The following GRIK2 variants were observed in gnomAD, a reference collection of about 807,000 sequenced individuals.
GRIK2 encodes glutamate ionotropic receptor kainate type subunit 2.
Under a neutral mutation model 100.3 loss-of-function variants are expected in GRIK2, and 32 were observed. The ratio of observed to expected loss-of-function variants is 0.32; its 90% CI spans 0.24 to 0.43. The LOEUF is 0.43. GRIK2 is among the 20% of genes least tolerant of loss of function. The probability of loss-of-function intolerance (pLI) is 1.00; values close to 1 mark genes in which losing one functional copy is unlikely to be tolerated. For missense variants in GRIK2, 843 were observed against 1,114.9 expected (o/e 0.76, Z 3.47); for synonymous variants, 417 against 389.4 (o/e 1.07, Z -0.83).
chr6:101,951,268 C>A (rs1460934783), intron 14 of GRIK2, among the ~76,000 whole-genome samples: 1 of 152,120 alleles, frequency 6.6e-6, no homozygotes, highest in Admixed American at 6.5e-5. Context: ...TTTCTATTTT[C>A]TTTAACATGA....
At chr6:101,608,434 A>C (rs1026930238) in intron 2 of GRIK2, among the ~76,000 whole-genome samples, 1 of 151,974 alleles carries the variant, frequency 6.6e-6, no homozygotes, top group African/African-American at 2.4e-5. Context: ...ATAATTGAAC[A>C]TGTGTTATTT....
intron 2 of GRIK2, among the ~76,000 whole-genome samples, chr6:101,472,322 A>G: frequency 6.6e-6 from 1 of 151,626 alleles, no homozygotes; most frequent in East Asian, 1.9e-4. Context: ...TTCCCTGTAG[A>G]GATATAATAC....
At chr6:101,607,196 G>A (rs1779474192) in intron 2 of GRIK2, among the ~76,000 whole-genome samples, 1 of 151,896 alleles carries the variant, frequency 6.6e-6, no homozygotes, top group Non-Finnish European at 1.5e-5. Flanking sequence ...TTTCAGTTGT[G>A]GCTTATGTAT....
chr6:101,467,442 C>G (rs1006322073), intron 2 of GRIK2, among the ~76,000 whole-genome samples: 3 of 152,106 alleles, frequency 2.0e-5, no homozygotes, highest in Admixed American at 6.5e-5. Flanking sequence ...AGATACAAAG[C>G]TTTCAAGGTT....
chr6:101,434,344 C>T (rs779697978), intron 2 of GRIK2, among the ~76,000 whole-genome samples: 11 of 152,270 alleles, frequency 7.2e-5, no homozygotes, highest in Middle Eastern at 3.4e-3. Context: ...TCTCTCTCTT[C>T]TCAGGCAAAC....
At chr6:101,860,966 T>A in intron 11 of GRIK2, 1 of 858,814 alleles carries the variant, frequency 1.2e-6, no homozygotes, top group Non-Finnish European at 1.4e-6. Flanking sequence ...GAAAACATCA[T>A]CCTCTCTTCT....
In GRIK2 at chr6:101,606,545, G is replaced by A. The variant is rs540679071; in HGVS notation, c.116-15404G>A. On this transcript the variant is annotated intron_variant, in intron 2 of 16. Coordinates refer to ENST00000369134, the MANE Select transcript of GRIK2 (RefSeq NM_021956.5). Reference sequence around the variant, plus strand: ...AGCTAGGTAAACTAAAGCCAAGAACGTTTAACTAACTTGCTTAAAGTTCAG... The same window carrying A: ...AGCTAGGTAAACTAAAGCCAAGAACATTTAACTAACTTGCTTAAAGTTCAG... 9.7e-4 allele frequency among the ~76,000 whole-genome samples: 148 copies of A among 152,034 alleles called. 1 individual carries two copies. The highest frequency in any genetic ancestry group is 1.5e-3 in the Non-Finnish European group (103 of 67,950).
chr6:101,788,056 C>T (rs1408781302), intron 7 of GRIK2, among the ~76,000 whole-genome samples: 1 of 151,574 alleles, frequency 6.6e-6, no homozygotes, highest in Non-Finnish European at 1.5e-5. Flanking sequence ...CCTGGTTTGT[C>T]TCTTTGTACT....
intron 2 of GRIK2, among the ~76,000 whole-genome samples, chr6:101,615,909 A>G (rs1779870905): frequency 6.6e-6 from 1 of 151,810 alleles, no homozygotes; most frequent in Non-Finnish European, 1.5e-5. Flanking sequence ...AAATATAGAG[A>G]GCCTTATATT....
intron 2 of GRIK2, among the ~76,000 whole-genome samples, chr6:101,450,650 A>G (rs2788276): frequency 1.3e-5 from 2 of 151,618 alleles, no homozygotes; most frequent in African/African-American, 4.8e-5. Flanking sequence ...CCTACATAAT[A>G]GAGTTCATCC....
intron 7 of GRIK2, among the ~76,000 whole-genome samples, chr6:101,706,654 GA>G (rs1773317993): frequency 6.6e-6 from 1 of 151,888 alleles, no homozygotes; most frequent in South Asian, 2.1e-4. Context: ...AGGAGAGAGG[GA>G]AGACAGGATT....
Position 101,926,554 on chromosome 6 carries a change from G to A in GRIK2, c.1867+1835G>A, listed in dbSNP as rs568601662. Among the ~76,000 whole-genome samples, 12 of 152,210 alleles carry A rather than the reference G, an allele frequency of 7.9e-5. 2 individuals are homozygous for A. The highest frequency in any genetic ancestry group is 2.2e-4 in the African/African-American group (9 of 41,518). ...TCATAGGACAAACTTGCTATTAGTA[G>A]TATTTAGGAATTAGAGGTAAAACTC... On this transcript the variant is annotated intron_variant, in intron 13 of 16. Coordinates refer to ENST00000369134, the MANE Select transcript of GRIK2 (RefSeq NM_021956.5).
At chr6:102,040,345 G>A (rs1015189424) in intron 15 of GRIK2, among the ~76,000 whole-genome samples, 2 of 151,368 alleles carry the variant, frequency 1.3e-5, no homozygotes. Flanking sequence ...ACAAGCTAAT[G>A]CTTTAAAACA....
Position 101,841,793 on chromosome 6 carries a change from G to A in GRIK2, c.1318-17494G>A, listed in dbSNP as rs138653665. Reference sequence around the variant, plus strand: ...TATTTATAATGGAATTCACTTATACGTGCAAATCTATGAACTACATACCCT... The same window carrying A: ...TATTTATAATGGAATTCACTTATACATGCAAATCTATGAACTACATACCCT... On this transcript the variant is annotated intron_variant, in intron 10 of 16. Transcript: ENST00000369134. Among the ~76,000 whole-genome samples, 23 of 152,206 alleles carry A rather than the reference G, an allele frequency of 1.5e-4. No individual in the cohort carries two copies. In the East Asian group the frequency reaches 3.5e-3, roughly 23 times the overall value.
At chr6:101,659,902 A>G (rs1333501932) in intron 4 of GRIK2, among the ~76,000 whole-genome samples, 1 of 151,892 alleles carries the variant, frequency 6.6e-6, no homozygotes, top group Non-Finnish European at 1.5e-5. Context: ...TGCCCTTAAC[A>G]TTTTTTCCTT....
chr6:101,802,380 G>T lies in GRIK2; in HGVS notation c.1145G>T (p.Gly382Val). ...TGRITFNKTN[G>V]LRTDFDLDVI... ...AGAATAACTTTCAACAAAACCAATG[G>T]CTTGAGAACAGATTTTGATTTGGAT... Residue 382 changes from glycine to valine, a missense_variant, in exon 9 of 17, where the codon GGC (glycine) becomes GTC (valine). Gly to Val is a moderately radical substitution (Grantham distance 109). Around this residue, in one of 3 missense-constraint regions of GRIK2, gnomAD observed 519 missense variants for 643.8 expected, o/e 0.81. Coordinates refer to ENST00000369134, the MANE Select transcript of GRIK2 (RefSeq NM_021956.5). 2 of 1,593,240 alleles carry T rather than the reference G, an allele frequency of 1.3e-6. No homozygotes were observed. Among genetic ancestry groups the T allele is most frequent in the Non-Finnish European group, 1.7e-6 (2 of 1,168,240 alleles).
At chr6:101,570,834 G>A (rs1371703211) in intron 2 of GRIK2, among the ~76,000 whole-genome samples, 1 of 152,076 alleles carries the variant, frequency 6.6e-6, no homozygotes, top group Admixed American at 6.6e-5. Flanking sequence ...ACTTTCTCAG[G>A]CCAATGGAGG....
intron 14 of GRIK2, among the ~76,000 whole-genome samples, chr6:101,983,593 A>C (rs1332919995): frequency 6.6e-6 from 1 of 151,764 alleles, no homozygotes; most frequent in Non-Finnish European, 1.5e-5. Flanking sequence ...ATTATCTGGG[A>C]TAGAAAATAT....
At chr6:101,405,950 A>G (rs987530402) in intron 2 of GRIK2, among the ~76,000 whole-genome samples, 1 of 152,238 alleles carries the variant, frequency 6.6e-6, no homozygotes, top group African/African-American at 2.4e-5. Context: ...TGTAAACAGC[A>G]AAAGCATACA....
Sources: allele counts gnomAD v4.1 joint callset (sites outside exome capture counted in the v4.1 genomes callset), GRCh38; gene constraint gnomAD v4.1.1; regional missense constraint gnomAD v4.1.1; transcripts MANE v1.5; gene names NCBI Gene and HGNC (gene_info 2026-07-23, HGNC 2026-07-21).